SYNPR: variants seen among roughly 807,000 people sequenced by gnomAD.
SYNPR encodes the protein synaptoporin.
A neutral mutation model predicts 32.9 loss-of-function variants in SYNPR; 23 were observed. The observed-to-expected ratio is 0.70, with a 90% confidence interval of 0.50 to 0.99. The LOEUF is 0.99. Ranked by LOEUF, SYNPR falls within the 50% of genes least tolerant of loss-of-function variation. The pLI, the probability that SYNPR is intolerant of heterozygous loss-of-function variation, is 0.00. For synonymous variants in SYNPR, 146 were observed against 135.9 expected (o/e 1.07, Z -0.52); for missense variants, 318 against 349.3 (o/e 0.91, Z 0.71).
chr3:63,343,325 G>A (rs1003753938), intron 2 of SYNPR, among the ~76,000 whole-genome samples: 1 of 152,192 alleles, frequency 6.6e-6, no homozygotes, highest in Non-Finnish European at 1.5e-5. Context: ...CACTGTGGCT[G>A]CTGTATGGAC....
At chr3:63,285,577 A>G (rs1274784273) in intron 2 of SYNPR, among the ~76,000 whole-genome samples, 1 of 152,210 alleles carries the variant, frequency 6.6e-6, no homozygotes, top group Non-Finnish European at 1.5e-5. Context: ...CAATTGGAGT[A>G]TGAATCAATA....
chr3:63,272,474 G>A (rs2086545117), intron 3 of SYNPR, among the ~76,000 whole-genome samples: 1 of 148,856 alleles, frequency 6.7e-6, no homozygotes. Context: ...AAATTGCAGT[G>A]TCTGGTGTTA....
At chr3:63,533,387 C>A (rs1036181324) in intron 3 of SYNPR, among the ~76,000 whole-genome samples, 1 of 152,030 alleles carries the variant, frequency 6.6e-6, no homozygotes, top group African/African-American at 2.4e-5. Flanking sequence ...TAGGAGTGAG[C>A]CTTTTGGGAG....
intron 2 of SYNPR, among the ~76,000 whole-genome samples, chr3:63,363,458 G>A (rs1486821767): frequency 1.3e-5 from 2 of 152,132 alleles, no homozygotes; most frequent in African/African-American, 2.4e-5. Flanking sequence ...TAGCTGGTAG[G>A]TGGCTGAACC....
intron 2 of SYNPR, among the ~76,000 whole-genome samples, chr3:63,479,629 A>T (rs1407840453): frequency 6.6e-6 from 1 of 152,152 alleles, no homozygotes; most frequent in Non-Finnish European, 1.5e-5. Context: ...GGAGTTATAG[A>T]TAATATTCAT....
Position 63,446,379 on chromosome 3 carries a change from A to T in SYNPR, c.85-34453A>T, listed in dbSNP as rs371695307. Among the ~76,000 whole-genome samples, 42 of 151,910 alleles carry T rather than the reference A, an allele frequency of 2.8e-4. 1 individual carries two copies. In the South Asian group the frequency reaches 8.3e-3, roughly 30 times the overall value. On this transcript the variant is annotated intron_variant, in intron 2 of 5. Coordinates refer to ENST00000478300, the MANE Select transcript of SYNPR (RefSeq NM_001130003.2). ...GCAAAGTGTCTATCTCACCTGGGTA[A>T]TTTAAAAAGGAACACAGCTGTCAAT... is the stretch of plus-strand genomic sequence containing the variant.
chr3:63,531,740 G>A (rs1702116270), intron 3 of SYNPR, among the ~76,000 whole-genome samples: 1 of 152,106 alleles, frequency 6.6e-6, no homozygotes, highest in Admixed American at 6.5e-5. Flanking sequence ...TGAGCCCTGG[G>A]AACAAATGAG....
chr3:63,541,102 G>A (rs1422153542), intron 3 of SYNPR, among the ~76,000 whole-genome samples: 1 of 151,636 alleles, frequency 6.6e-6, no homozygotes, highest in East Asian at 2.0e-4. Flanking sequence ...GCTAGTCAGG[G>A]CTACTGAGCT....
chr3:63,610,504 A>G (rs1022498577), intron 5 of SYNPR: 1 of 700,268 alleles, frequency 1.4e-6, no homozygotes, highest in Non-Finnish European at 2.6e-6. Context: ...GAAGGCACTT[A>G]AGAAGAGAGA....
At chr3:63,263,461 G>A (rs191086705) in intron 2 of SYNPR, among the ~76,000 whole-genome samples, 39 of 152,314 alleles carry the variant, frequency 2.6e-4, no homozygotes, top group African/African-American at 9.4e-4. Context: ...TAAAATTGCT[G>A]CATAATGAAC....
intron 2 of SYNPR, among the ~76,000 whole-genome samples, chr3:63,397,682 T>C (rs140009756): frequency 6.6e-6 from 1 of 152,188 alleles, no homozygotes; most frequent in African/African-American, 2.4e-5. Flanking sequence ...ATTTTGGCAT[T>C]AGGCAGATTC....
intron 2 of SYNPR, among the ~76,000 whole-genome samples, chr3:63,458,586 T>G (rs1185718486): frequency 6.6e-6 from 1 of 152,116 alleles, no homozygotes; most frequent in African/African-American, 2.4e-5. Context: ...GGCTTGGAAC[T>G]CAGAGAATGC....
intron 2 of SYNPR, among the ~76,000 whole-genome samples, chr3:63,391,582 C>A (rs2088137651): frequency 6.6e-6 from 1 of 152,150 alleles, no homozygotes; most frequent in Non-Finnish European, 1.5e-5. Context: ...ATGATACATA[C>A]CTATTGACCC....
chr3:63,254,027 T>A (rs1385549687), intron 2 of SYNPR, among the ~76,000 whole-genome samples: 3 of 152,086 alleles, frequency 2.0e-5, no homozygotes, highest in Non-Finnish European at 2.9e-5. Flanking sequence ...GGGACATGGA[T>A]GAAGCTGGAA....
chr3:63,224,376 G>C (rs1443581006), upstream of SYNPR, among the ~76,000 whole-genome samples: 1 of 152,170 alleles, frequency 6.6e-6, no homozygotes, highest in Non-Finnish European at 1.5e-5. Flanking sequence ...CCTGTCCATG[G>C]AAAAATTGTC....
At chr3:63,521,428 G>A (rs1052474691) in intron 3 of SYNPR, among the ~76,000 whole-genome samples, 4 of 152,176 alleles carry the variant, frequency 2.6e-5, no homozygotes, top group South Asian at 4.1e-4. Flanking sequence ...TACTGAGTGC[G>A]TGCTGAGTAC....
chr3:63,260,174 T>C (rs1264164332), intron 2 of SYNPR, among the ~76,000 whole-genome samples: 1 of 152,224 alleles, frequency 6.6e-6, no homozygotes, highest in East Asian at 1.9e-4. Context: ...CAATGCAATC[T>C]CCATCAAGCT....
intron 3 of SYNPR, among the ~76,000 whole-genome samples, chr3:63,527,154 C>A (rs181523529): frequency 6.6e-6 from 1 of 152,078 alleles, no homozygotes; most frequent in East Asian, 1.9e-4. Flanking sequence ...CAAACCCAGG[C>A]GGAATAGTAG....
intron 2 of SYNPR, among the ~76,000 whole-genome samples, chr3:63,461,780 A>G (rs1700588039): frequency 6.6e-6 from 1 of 151,942 alleles, no homozygotes; most frequent in African/African-American, 2.4e-5. Context: ...AGAAGTTACC[A>G]TGCTATGAAC....
Sources: allele counts gnomAD v4.1 joint callset (sites outside exome capture counted in the v4.1 genomes callset), GRCh38; gene constraint gnomAD v4.1.1; transcripts MANE v1.5; gene names NCBI Gene and HGNC (gene_info 2026-07-23, HGNC 2026-07-21).